Variants in GABRB1 observed in about 807,000 individuals in gnomAD.
The protein encoded by GABRB1 is gamma-aminobutyric acid receptor subunit beta-1.
GABRB1 carries 17 observed loss-of-function variants against 51.6 expected under a neutral mutation model. That is an observed-to-expected ratio of 0.33 (90% CI 0.23 to 0.49). The LOEUF (loss-of-function observed/expected upper bound fraction) is 0.49, where lower values mean the gene tolerates loss of function less well. Ranked by LOEUF, GABRB1 falls within the 20% of genes least tolerant of loss-of-function variation. GABRB1 has a pLI of 0.99. For synonymous variants in GABRB1, 247 were observed against 218.9 expected (o/e 1.13, Z -1.14); for missense variants, 410 against 600.6 (o/e 0.68, Z 3.32).
chr4:47,123,489 TC>T (rs1715899565), intron 3 of GABRB1, among the ~76,000 whole-genome samples: 9 of 98,858 alleles, frequency 9.1e-5, no homozygotes, highest in South Asian at 5.6e-4. Context: ...TTACATTATT[TC>T]ATATATTATA....
chr4:47,420,247 C>T (rs1729052224), intron 8 of GABRB1, among the ~76,000 whole-genome samples: 1 of 152,140 alleles, frequency 6.6e-6, no homozygotes, highest in Non-Finnish European at 1.5e-5. Flanking sequence ...CCTAGAATGC[C>T]TGCTTCCTTC....
intron 5 of GABRB1, among the ~76,000 whole-genome samples, chr4:47,348,233 AT>A (rs752253799): frequency 6.6e-6 from 1 of 152,174 alleles, no homozygotes; most frequent in African/African-American, 2.4e-5. Context: ...CCCTGAACAC[AT>A]TATTTTTAAT....
chr4:47,349,693 G>T (rs2109996313), intron 5 of GABRB1, among the ~76,000 whole-genome samples: 1 of 152,184 alleles, frequency 6.6e-6, no homozygotes, highest in Admixed American at 6.5e-5. Context: ...GTATGTATAA[G>T]GTTAGGTTCA....
At chr4:47,000,169 C>T (rs1484250264) in intron 1 of GABRB1, among the ~76,000 whole-genome samples, 1 of 152,018 alleles carries the variant, frequency 6.6e-6, no homozygotes, top group Non-Finnish European at 1.5e-5. Context: ...CAGCCAAATA[C>T]TCATATAAAA....
intron 4 of GABRB1, among the ~76,000 whole-genome samples, chr4:47,178,540 A>T (rs183124889): frequency 6.6e-6 from 1 of 152,124 alleles, no homozygotes; most frequent in East Asian, 1.9e-4. Flanking sequence ...GGTGGAGGAA[A>T]CTGTTATTGC....
At chr4:47,018,712 A>C (rs1724822296) in intron 1 of GABRB1, among the ~76,000 whole-genome samples, 1 of 152,202 alleles carries the variant, frequency 6.6e-6, no homozygotes, top group African/African-American at 2.4e-5. Context: ...GTGACTAAGA[A>C]AATCATAAGG....
chr4:47,032,020 T>G lies in GABRB1; in HGVS notation c.172+15T>G. The G allele has an allele frequency of 6.3e-7, 1 of 1,597,756 alleles. No homozygotes were observed. Among genetic ancestry groups the G allele is most frequent in the Non-Finnish European group, 8.6e-7 (1 of 1,165,888 alleles). The stretch of plus-strand genomic sequence containing the variant: ...GGACTTCGGAGGTAACGCTTCATCT[T>G]TTTTCAACCTGTAACCCATCCTTAG... On this transcript the variant is annotated intron_variant, in intron 2 of 8. Coordinates refer to ENST00000295454, the MANE Select transcript of GABRB1 (RefSeq NM_000812.4).
chr4:47,023,740 C>T (rs1392591604), intron 1 of GABRB1, among the ~76,000 whole-genome samples: 1 of 151,890 alleles, frequency 6.6e-6, no homozygotes, highest in East Asian at 1.9e-4. Context: ...GTGATGATTT[C>T]ACATTGCATG....
chr4:47,066,568 C>T (rs530311358), intron 3 of GABRB1, among the ~76,000 whole-genome samples: 1 of 152,168 alleles, frequency 6.6e-6, no homozygotes, highest in East Asian at 1.9e-4. Context: ...ACAGCGTTTT[C>T]ATTTGGCATA....
intron 4 of GABRB1, among the ~76,000 whole-genome samples, chr4:47,233,352 A>C (rs865855169): frequency 1.6e-4 from 24 of 152,310 alleles, no homozygotes; most frequent in African/African-American, 5.5e-4. Flanking sequence ...TTGGAATAAA[A>C]TTCTAACTTC....
intron 4 of GABRB1, among the ~76,000 whole-genome samples, chr4:47,267,928 C>A (rs1157764173): frequency 1.3e-5 from 2 of 152,008 alleles, no homozygotes; most frequent in South Asian, 2.1e-4. Context: ...TAAAAAGATG[C>A]ACTTGAAGGC....
At chr4:47,394,606 C>G (rs939608260) in intron 5 of GABRB1, among the ~76,000 whole-genome samples, 1 of 152,126 alleles carries the variant, frequency 6.6e-6, no homozygotes, top group Admixed American at 6.5e-5. Context: ...ACTGTATTGC[C>G]TTGTCTCCTT....
intron 1 of GABRB1, among the ~76,000 whole-genome samples, chr4:47,010,513 T>C (rs1199065389): frequency 6.6e-6 from 1 of 152,230 alleles, no homozygotes. Context: ...TGTTGCACAC[T>C]AATGAAGGAA....
chr4:47,306,813 T>C (rs930379263), intron 4 of GABRB1, among the ~76,000 whole-genome samples: 7 of 152,150 alleles, frequency 4.6e-5, no homozygotes, highest in Non-Finnish European at 4.4e-5. Flanking sequence ...ACCTATTTCA[T>C]TCATTTTAAA....
chr4:47,251,305 G>T (rs1324333773), intron 4 of GABRB1, among the ~76,000 whole-genome samples: 2 of 152,172 alleles, frequency 1.3e-5, no homozygotes, highest in East Asian at 3.9e-4. Flanking sequence ...AACCGTCTAT[G>T]GGTCTTTCAG....
intron 3 of GABRB1, among the ~76,000 whole-genome samples, chr4:47,039,143 G>GA (rs1725721276): frequency 6.6e-6 from 1 of 151,686 alleles, no homozygotes; most frequent in Non-Finnish European, 1.5e-5. Flanking sequence ...CTGGCCACAA[G>GA]AAAAAACTGA....
chr4:47,328,429 G>T (rs955961830), intron 5 of GABRB1, among the ~76,000 whole-genome samples: 1 of 151,984 alleles, frequency 6.6e-6, no homozygotes, highest in East Asian at 1.9e-4. Flanking sequence ...TTTCTTCTAG[G>T]GTTTTATAAA....
At chr4:47,206,880 GTA>G (rs920787636) in intron 4 of GABRB1, among the ~76,000 whole-genome samples, 1 of 151,218 alleles carries the variant, frequency 6.6e-6, no homozygotes, top group Non-Finnish European at 1.5e-5. Context: ...GTGTGTGTAT[GTA>G]TATATATATG....
upstream of GABRB1, among the ~76,000 whole-genome samples, chr4:47,030,511 T>C (rs1725254626): frequency 6.6e-6 from 1 of 152,202 alleles, no homozygotes; most frequent in South Asian, 2.1e-4. Context: ...TCCCATTAGA[T>C]GTGAATTTCT....
Sources: gnomAD v4.1 joint callset for allele counts (sites outside exome capture counted in the v4.1 genomes callset) on GRCh38, gnomAD v4.1.1 for gene constraint, MANE v1.5 for transcripts, NCBI Gene and HGNC (gene_info 2026-07-23, HGNC 2026-07-21) for gene names.